UNKL: variants seen among roughly 807,000 people sequenced by gnomAD.
The protein encoded by UNKL is putative E3 ubiquitin-protein ligase UNKL.
UNKL carries 60 observed loss-of-function variants against 78.0 expected under a neutral mutation model. The ratio of observed to expected loss-of-function variants is 0.77; its 90% CI spans 0.63 to 0.95. UNKL has a LOEUF of 0.95. Among genes scored for constraint, UNKL ranks in the 40% least tolerant of loss-of-function variants. The pLI is 0.00. For synonymous variants in UNKL, 608 were observed against 474.8 expected (o/e 1.28, Z -3.65); for missense variants, 1,159 against 1,045.7 (o/e 1.11, Z -1.49).
At chr16:1,385,425 C>T (rs987896062) in intron 9 of UNKL, 40 bp from the exon 10 acceptor site, 9 of 1,289,646 alleles carry the variant, frequency 7.0e-6, no homozygotes, top group South Asian at 2.3e-5. Context: ...GCACCCCCTG[C>T]GTGGAGGAGG....
At chr16:1,391,836 C>T (rs113151419) in intron 8 of UNKL, among the ~76,000 whole-genome samples, 26 of 152,208 alleles carry the variant, frequency 1.7e-4, no homozygotes, top group South Asian at 6.2e-4. Context: ...TACAGGCGCA[C>T]GCCACCACGC....
At chr16:1,413,058 G>A (rs1245079500) in intron 2 of UNKL, among the ~76,000 whole-genome samples, 1 of 151,594 alleles carries the variant, frequency 6.6e-6, no homozygotes, top group African/African-American at 2.4e-5. Flanking sequence ...GACCAGCCTG[G>A]GCAATGTAGT....
At chr16:1,400,405 G>A (rs1027881535) in intron 4 of UNKL, among the ~76,000 whole-genome samples, 8 of 105,834 alleles carry the variant, frequency 7.6e-5, no homozygotes, top group South Asian at 7.2e-4. Context: ...GTGACAGAGC[G>A]AGACTCCATC....
chr16:1,371,082 CAAAAAAA>C (rs764163064), intron 11 of UNKL, among the ~76,000 whole-genome samples: 7 of 67,972 alleles, frequency 1.0e-4, no homozygotes, highest in African/African-American at 1.8e-4. Flanking sequence ...GGCTCTGTCT[CAAAAAAA>C]AAAAAAAAAA....
intron 5 of UNKL, among the ~76,000 whole-genome samples, chr16:1,398,100 G>A (rs991454494): frequency 6.6e-5 from 10 of 152,246 alleles, no homozygotes; most frequent in African/African-American, 2.2e-4. Context: ...CAGTGAGGCC[G>A]GGCGCCCAGA....
intron 2 of UNKL, chr16:1,405,968 A>T (rs553243655): frequency 4.4e-6 from 2 of 456,746 alleles, no homozygotes; most frequent in Non-Finnish European, 8.8e-6. Flanking sequence ...AGCCACATGC[A>T]TCAAAATCAC....
Position 1,364,347 on chromosome 16 carries a change from CTGA to C in UNKL, c.*1890_*1892del, listed in dbSNP as rs1459935131. ...TATTAAATACATTCTAATTTGGTCA[CTGA>C]TGATAAAGATTTTTACCTAGACGTT... On this transcript the variant is annotated 3_prime_UTR_variant, in exon 15 of 15. Coordinates refer to ENST00000389221, the MANE Select transcript of UNKL (RefSeq NM_001372107.1). 3 of 152,212 alleles carry C rather than the reference CTGA, an allele frequency of 2.0e-5. No individual in the cohort carries two copies. Among genetic ancestry groups the C allele is most frequent in the Non-Finnish European group, 4.4e-5 (3 of 68,036 alleles). 9.4% of individuals were successfully genotyped at this position (152,212 alleles called of 1,614,324 possible). A position where few individuals can be genotyped will look rare whatever the true frequency, so the allele number is the denominator to read the frequency against.
rs2035377126 is a variant in UNKL, at chr16:1,367,461, C to A, written c.1789-112G>T. 13 of 1,398,620 alleles carry A rather than the reference C, an allele frequency of 9.3e-6. No homozygotes were observed. In the Admixed American group the frequency reaches 2.2e-4, roughly 24 times the overall value. 86.6% of individuals were successfully genotyped at this position (1,398,620 alleles called of 1,614,324 possible). On this transcript the variant is annotated intron_variant, in intron 13 of 14. Transcript: ENST00000389221. ...TCCCCTCCCCAGCATCAGCTGTGGC[C>A]CCCTCACCTGAGACCCCTGCGGCCC...
chr16:1,379,495 C>G, intron 10 of UNKL: 2 of 985,390 alleles, frequency 2.0e-6, no homozygotes, highest in Non-Finnish European at 2.4e-6. Context: ...GCCCACCCCG[C>G]GGCTGTCACA....
At chr16:1,384,307 GAC>G (rs1307582215) in intron 10 of UNKL, among the ~76,000 whole-genome samples, 1 of 151,602 alleles carries the variant, frequency 6.6e-6, no homozygotes, top group Admixed American at 6.6e-5. Flanking sequence ...AGGGACCAAG[GAC>G]ACACACAGCC....
At chr16:1,400,763 C>T (rs2037490575) in intron 4 of UNKL, among the ~76,000 whole-genome samples, 1 of 152,016 alleles carries the variant, frequency 6.6e-6, no homozygotes, top group South Asian at 2.1e-4. Context: ...TCTTGGCTCA[C>T]TGCAACCTTC....
intron 10 of UNKL, among the ~76,000 whole-genome samples, chr16:1,372,067 T>G (rs565044984): frequency 1.3e-5 from 2 of 148,922 alleles, no homozygotes; most frequent in African/African-American, 2.5e-5. Flanking sequence ...CCATCCTGGC[T>G]AACACGGTGA....
rs748307059 is a variant in UNKL, at chr16:1,399,411, G to A, written c.697C>T (p.Arg233Trp). 17 of 1,604,634 alleles carry A rather than the reference G, an allele frequency of 1.1e-5. No homozygotes were observed. Among genetic ancestry groups the A allele is most frequent in the South Asian group, 3.3e-5 (3 of 89,986 alleles). Residue 233 changes from arginine (R) to tryptophan (W), a missense_variant, in exon 5 of 15, where the codon CGG becomes TGG. Coordinates refer to ENST00000389221, the MANE Select transcript of UNKL (RefSeq NM_001372107.1). The surrounding 1 kb of genome is among the most constrained non-coding windows in gnomAD (Gnocchi z 5.8). ...GYACPHYHNS[R>W]DRRRNPRRFQ... ...CGCCGGGGGTTGCGCCGCCTGTCCC[G>A]GCTATTGTGGTAGTGTGGGCACGCA...
At chr16:1,401,501 G>A in intron 4 of UNKL, 67 bp downstream of exon 4, 1 of 1,418,924 alleles carries the variant, frequency 7.0e-7, no homozygotes, top group East Asian at 2.6e-5. Flanking sequence ...GAACCAAGTG[G>A]CCCGAGCTGT....
intron 11 of UNKL, among the ~76,000 whole-genome samples, chr16:1,371,242 G>A: frequency 6.6e-6 from 1 of 152,210 alleles, no homozygotes; most frequent in East Asian, 1.9e-4. Flanking sequence ...TGAAGAAGTG[G>A]GCAGGCCCGA....
At chr16:1,412,747 AC>A (rs1447684759) in intron 2 of UNKL, among the ~76,000 whole-genome samples, 1 of 152,208 alleles carries the variant, frequency 6.6e-6, no homozygotes, top group African/African-American at 2.4e-5. Flanking sequence ...GTGGAAAGCA[AC>A]CGACCACTAC....
intron 7 of UNKL, among the ~76,000 whole-genome samples, chr16:1,393,839 C>T (rs1181963694): frequency 6.6e-6 from 1 of 152,240 alleles, no homozygotes; most frequent in African/African-American, 2.4e-5. Context: ...CCAGCCCACA[C>T]CAGGACTCAG....
At chr16:1,402,314 C>T (rs568377393) in intron 3 of UNKL, among the ~76,000 whole-genome samples, 3 of 152,152 alleles carry the variant, frequency 2.0e-5, no homozygotes, top group South Asian at 2.1e-4. Context: ...AGCTGCCCTC[C>T]GGGCCCAGAA....
At chr16:1,392,774 C>T (rs1386824387) in intron 8 of UNKL, 117 bp downstream of exon 8, 43 of 1,236,172 alleles carry the variant, frequency 3.5e-5, no homozygotes, top group Non-Finnish European at 4.4e-5. Flanking sequence ...AGAAGAGCCA[C>T]GAACTCCACA....
Sources: allele counts gnomAD v4.1 joint callset (sites outside exome capture counted in the v4.1 genomes callset), GRCh38; gene constraint gnomAD v4.1.1; non-coding constraint Gnocchi (gnomAD v3.1); transcripts MANE v1.5; gene names NCBI Gene and HGNC (gene_info 2026-07-23, HGNC 2026-07-21).